ABCA13: variants seen among roughly 807,000 people sequenced by gnomAD.
ABCA13 encodes ATP binding cassette subfamily A member 13.
Under a neutral mutation model 478.7 loss-of-function variants are expected in ABCA13, and 476 were observed. The ratio of observed to expected loss-of-function variants is 0.99; its 90% confidence interval spans 0.92 to 1.07. The LOEUF (loss-of-function observed/expected upper bound fraction) is 1.07. Ranked by LOEUF, ABCA13 falls within the 50% of genes least tolerant of loss-of-function variation. The probability of loss-of-function intolerance (pLI) is 0.00; values close to 1 mark genes in which losing one functional copy is unlikely to be tolerated. For missense variants in ABCA13, 6,060 were observed against 5,910.6 expected, an observed-to-expected ratio of 1.03 and a Z score of -0.83; for synonymous variants, 2,252 against 2,158.9, an observed-to-expected ratio of 1.04 and a Z score of -1.20.
At chr7:48,308,893 A>G (rs1563017995) in intron 23 of ABCA13, among the ~76,000 whole-genome samples, 1 of 149,108 alleles carries the variant, frequency 6.7e-6, no homozygotes, top group East Asian at 2.0e-4. Flanking sequence ...GGAGCAATAG[A>G]CCATACCCTA....
At chr7:48,322,547 C>T (rs1803643765) in intron 27 of ABCA13, among the ~76,000 whole-genome samples, 1 of 152,170 alleles carries the variant, frequency 6.6e-6, no homozygotes. Context: ...TCTCCCTGTT[C>T]CCACTCTCCC....
At chr7:48,383,311 A>ATGTGCATG (rs1400115334) in intron 35 of ABCA13, among the ~76,000 whole-genome samples, 1 of 152,172 alleles carries the variant, frequency 6.6e-6, no homozygotes, top group Non-Finnish European at 1.5e-5. Context: ...CTGCATGAAT[A>ATGTGCATG]TGTGCATGTG....
At chr7:48,403,189 ACTGGAACAT>A (rs1817831455) in intron 38 of ABCA13, among the ~76,000 whole-genome samples, 1 of 152,344 alleles carries the variant, frequency 6.6e-6, no homozygotes, top group African/African-American at 2.4e-5. Context: ...GTGGCATTTC[ACTGGAACAT>A]CTGCATTAAT....
rs115247892 is a variant in ABCA13 at position 48,472,206 on chromosome 7, T to A, written c.12975+607T>A. ...AGCCACAATCAATAAGCAAGTATGA[T>A]GACAGGTCTAATTTATAGGAAAAAG... On this transcript the variant is annotated intron_variant, in intron 45 of 61. Transcript: ENST00000435803. Among the ~76,000 whole-genome samples the A allele has an allele frequency of 6.8e-3, 1,042 of 152,242 alleles. 11 individuals are homozygous for A. Among genetic ancestry groups the A allele is most frequent in the African/African-American group, 0.023 (975 of 41,546 alleles).
chr7:48,256,603 T>G (rs1424472102), intron 15 of ABCA13, among the ~76,000 whole-genome samples: 1 of 152,168 alleles, frequency 6.6e-6, no homozygotes, highest in African/African-American at 2.4e-5. Context: ...GATCGATGGT[T>G]TTAGGTGTGT....
At chr7:48,288,122 A>G (rs1331753263) in intron 20 of ABCA13, 44 bp downstream of exon 20, 3 of 1,550,212 alleles carry the variant, frequency 1.9e-6, no homozygotes, top group Non-Finnish European at 2.7e-6. Flanking sequence ...GTTCATGACT[A>G]TTGGCCCTTG....
chr7:48,320,740 C>A (rs6949736), intron 27 of ABCA13, among the ~76,000 whole-genome samples: 57,904 of 151,966 alleles, frequency 0.38, 11,702 homozygotes, highest in East Asian at 0.61. Context: ...CAGGCACATT[C>A]TAGGCCACTG....
chr7:48,623,762 AT>A (rs1353644700), intron 59 of ABCA13, among the ~76,000 whole-genome samples: 1 of 152,148 alleles, frequency 6.6e-6, no homozygotes, highest in Non-Finnish European at 1.5e-5. Context: ...ACTTAGGTTT[AT>A]TTGTCACCTG....
chr7:48,251,999 G>T (rs138255978), intron 15 of ABCA13, among the ~76,000 whole-genome samples: 7 of 152,082 alleles, frequency 4.6e-5, no homozygotes, highest in African/African-American at 1.7e-4. Context: ...AGGTGGCTTC[G>T]TATGGGTCTC....
intron 55 of ABCA13, among the ~76,000 whole-genome samples, chr7:48,550,511 A>C (rs1318333575): frequency 6.6e-6 from 1 of 151,658 alleles, no homozygotes; most frequent in African/African-American, 2.4e-5. Context: ...GCCCCCCCTC[A>C]GCCTCCCAAA....
intron 54 of ABCA13, among the ~76,000 whole-genome samples, chr7:48,525,247 G>A (rs1397018276): frequency 6.6e-6 from 1 of 151,954 alleles, no homozygotes; most frequent in Non-Finnish European, 1.5e-5. Context: ...TGTTAAGAAA[G>A]GATTTTTTTT....
At chr7:48,222,297 G>A (rs1787486279) in intron 5 of ABCA13, among the ~76,000 whole-genome samples, 1 of 152,154 alleles carries the variant, frequency 6.6e-6, no homozygotes, top group Admixed American at 6.5e-5. Flanking sequence ...TCACTTTAAT[G>A]ATTAAATTAG....
intron 47 of ABCA13, among the ~76,000 whole-genome samples, chr7:48,484,516 T>G (rs1046854904): frequency 2.0e-5 from 3 of 152,182 alleles, no homozygotes; most frequent in East Asian, 3.9e-4. Context: ...TATTCCGACT[T>G]TTTAGTCTAT....
At chr7:48,227,144 G>T in intron 5 of ABCA13, 118 bp from the exon 6 acceptor site, 1 of 918,394 alleles carries the variant, frequency 1.1e-6, no homozygotes, top group Non-Finnish European at 1.7e-6. Flanking sequence ...TATATTAAGT[G>T]TGAGTTTCTA....
chr7:48,475,410 C>A (rs1827970134), intron 45 of ABCA13, among the ~76,000 whole-genome samples: 1 of 150,096 alleles, frequency 6.7e-6, no homozygotes, highest in African/African-American at 2.4e-5. Flanking sequence ...CCCTTAAATA[C>A]ATGTGTGCTA....
chr7:48,265,346 A>G (rs1462992730), intron 15 of ABCA13, among the ~76,000 whole-genome samples: 1 of 151,580 alleles, frequency 6.6e-6, no homozygotes, highest in African/African-American at 2.4e-5. Context: ...TTTAACCAGG[A>G]TTGAATTGAG....
At chr7:48,293,199 C>CCA (rs1554419731) in intron 20 of ABCA13, among the ~76,000 whole-genome samples, 3 of 135,752 alleles carry the variant, frequency 2.2e-5, no homozygotes, top group Non-Finnish European at 5.0e-5. Context: ...TCAGCCCCCC[C>CCA]CCCGCCACAC....
rs191601473 is a variant in ABCA13, at chr7:48,199,789, G to A, written c.287+1429G>A. On this transcript the variant is annotated intron_variant, in intron 3 of 61. Transcript: ENST00000435803. ...AGACTTAGCAGTGTCTTTATTTCAAGTCTTTCTTATGTCTCTTCCTTACTT... is the reference window on the plus strand; with the variant it reads ...AGACTTAGCAGTGTCTTTATTTCAAATCTTTCTTATGTCTCTTCCTTACTT... 1.3e-3 allele frequency among the ~76,000 whole-genome samples: 204 copies of A among 152,304 alleles called. 1 individual carries two copies. The highest frequency in any genetic ancestry group is 2.3e-3 in the South Asian group (11 of 4,824).
At chr7:48,343,075 TA>T (rs1224806047) in intron 29 of ABCA13, among the ~76,000 whole-genome samples, 1 of 152,040 alleles carries the variant, frequency 6.6e-6, no homozygotes, top group Non-Finnish European at 1.5e-5. Flanking sequence ...CTTTTGTGGG[TA>T]TTTTTTTAGT....
Sources: gnomAD v4.1 joint callset for allele counts (sites outside exome capture counted in the v4.1 genomes callset) on GRCh38, gnomAD v4.1.1 for gene constraint, MANE v1.5 for transcripts, NCBI Gene and HGNC (gene_info 2026-07-23, HGNC 2026-07-21) for gene names.